ABCA8: variants seen among roughly 807,000 people sequenced by gnomAD.
The protein encoded by ABCA8 is ATP binding cassette subfamily A member 8.
In ABCA8, 177 loss-of-function variants were observed where a neutral mutation model predicts 192.3. The observed-to-expected ratio is 0.92, with a 90% CI of 0.81 to 1.04. ABCA8 has a LOEUF of 1.04. ABCA8 is among the 50% of genes least tolerant of loss of function. ABCA8 has a pLI of 0.00. For missense variants in ABCA8, 1,915 were observed against 1,904.8 expected, an observed-to-expected ratio of 1.01 and a Z score of -0.10; for synonymous variants, 642 against 690.2, an observed-to-expected ratio of 0.93 and a Z score of 1.09.
intron 17 of ABCA8, 94 bp downstream of exon 17, chr17:68,917,267 C>A (rs1408227880): frequency 3.9e-6 from 3 of 774,482 alleles, no homozygotes; most frequent in South Asian, 2.2e-5. Flanking sequence ...CAAAAAATAA[C>A]AATAATACAA....
intron 18 of ABCA8, among the ~76,000 whole-genome samples, chr17:68,907,141 T>C (rs1391619676): frequency 6.6e-6 from 1 of 152,152 alleles, no homozygotes; most frequent in African/African-American, 2.4e-5. Context: ...AAAGTACTAA[T>C]CAGAATTTGC....
chr17:68,891,991 G>C (rs1276480038), intron 23 of ABCA8, among the ~76,000 whole-genome samples: 1 of 152,152 alleles, frequency 6.6e-6, no homozygotes. Context: ...TATGGGTACA[G>C]TGATAATAAG....
At chr17:68,871,238 T>G (rs1369561969) in intron 37 of ABCA8, among the ~76,000 whole-genome samples, 1 of 152,126 alleles carries the variant, frequency 6.6e-6, no homozygotes, top group Non-Finnish European at 1.5e-5. Flanking sequence ...CTGGCTTTTA[T>G]AACAGACCCA....
chr17:68,874,155 A>T (rs2066141997), intron 37 of ABCA8, among the ~76,000 whole-genome samples: 2 of 152,330 alleles, frequency 1.3e-5, no homozygotes, highest in African/African-American at 4.8e-5. Flanking sequence ...AGATTTGCCA[A>T]AGTCATCTTC....
At position 68,894,282 on chromosome 17, in the gene ABCA8, G is replaced by C; in HGVS notation, c.2927C>G (p.Ala976Gly). ...KNYSFSLACN[A>G]KRLNCFPVLM... ...AACTGGGAAGCAATTCAATCTTTTG[G>C]CATTGCATGCTAACGAAAAGCTGTA... is the stretch of plus-strand genomic sequence containing the variant. The change falls in exon 23 of 40, where the codon GCC becomes GGC. Residue 976 changes from alanine (A) to glycine (G), a missense_variant. Transcript: ENST00000586539. 2.5e-6 allele frequency: 4 copies of C among 1,610,284 alleles called. No individual in the cohort carries two copies. Among genetic ancestry groups the C allele is most frequent in the Non-Finnish European group, 2.5e-6 (3 of 1,179,048 alleles).
intron 2 of ABCA8, among the ~76,000 whole-genome samples, chr17:68,946,985 A>C (rs1424147118): frequency 3.3e-5 from 5 of 152,098 alleles, no homozygotes; most frequent in Non-Finnish European, 7.4e-5. Flanking sequence ...GAGAGAAAGA[A>C]AGAAAATAAA....
At chr17:68,914,168 A>G (rs1354256669) in intron 17 of ABCA8, among the ~76,000 whole-genome samples, 1 of 152,184 alleles carries the variant, frequency 6.6e-6, no homozygotes, top group Non-Finnish European at 1.5e-5. Flanking sequence ...AATAAAAGCC[A>G]TATATGGCAA....
At chr17:68,930,920 T>A (rs901232961) in intron 7 of ABCA8, among the ~76,000 whole-genome samples, 1 of 152,208 alleles carries the variant, frequency 6.6e-6, no homozygotes, top group Non-Finnish European at 1.5e-5. Context: ...ATCACCTCCA[T>A]GCTCTTTCAG....
rs1292091336 is a variant in ABCA8 at position 68,940,967 on chromosome 17, A to G, written c.97-5T>C. Reference sequence around the variant, plus strand: ...GAGCAATGAATTCAGCCATTCCTATATAATACAGGAAAAAAGATAAAGAAA... The same window carrying G: ...GAGCAATGAATTCAGCCATTCCTATGTAATACAGGAAAAAAGATAAAGAAA... On this transcript the variant is annotated splice_region_variant and splice_polypyrimidine_tract_variant and intron_variant, in intron 3 of 39. Transcript: ENST00000586539. The G allele has an allele frequency of 6.3e-7, 1 of 1,577,692 alleles. No individual in the cohort carries two copies. Among genetic ancestry groups the G allele is most frequent in the Admixed American group, 1.7e-5 (1 of 58,922 alleles).
In ABCA8 at chr17:68,929,204, C is replaced by G; in HGVS notation, c.970G>C (p.Val324Leu). 1 of 1,599,874 alleles carries G rather than the reference C, an allele frequency of 6.3e-7. No individual in the cohort carries two copies. Among genetic ancestry groups the G allele is most frequent in the Non-Finnish European group, 8.5e-7 (1 of 1,173,816 alleles). The change falls in exon 9 of 40, where the codon GTA becomes CTA. Residue 324 changes from valine (V) to leucine (L), a missense_variant. Transcript: ENST00000586539. Reference sequence around the variant, plus strand: ...AGGCCGGTGAGGAAAGATTTCTTTACCAAGATGCTCATTAAGAAAGCCAAA... The same window carrying G: ...AGGCCGGTGAGGAAAGATTTCTTTAGCAAGATGCTCATTAAGAAAGCCAAA... Reference protein sequence around the residue: ...VALAFLMSILVKKSFLTGLVV... With the variant: ...VALAFLMSILLKKSFLTGLVV...
chr17:68,908,805 C>T (rs949923891), intron 17 of ABCA8, among the ~76,000 whole-genome samples: 4 of 152,056 alleles, frequency 2.6e-5, no homozygotes, highest in South Asian at 2.1e-4. Context: ...GCATCTGGAA[C>T]GTGTTATTTA....
In ABCA8 at chr17:68,921,464, T is replaced by G; in HGVS notation, c.1530A>C (p.Gln510His). 6.2e-7 allele frequency: 1 copy of G among 1,605,938 alleles called. No individual in the cohort carries two copies. Among genetic ancestry groups the G allele is most frequent in the Non-Finnish European group, 8.5e-7 (1 of 1,174,840 alleles). The change falls in exon 13 of 40, where the codon CAA becomes CAC. Residue 510 changes from glutamine (Q) to histidine (H), a missense_variant. By Grantham distance (24) the Gln-to-His change is conservative (BLOSUM62 0). Coordinates refer to ENST00000586539, the MANE Select transcript of ABCA8 (RefSeq NM_001288985.2). ...KDLVFDIYEGQITAILGHSGA... is the reference protein window; with the variant it reads ...KDLVFDIYEGHITAILGHSGA... The stretch of plus-strand genomic sequence containing the variant: ...CACTGTGACCAAGTATTGCAGTGAT[T>G]TGGCCTTCGTAAATGTCAAATACCA...
chr17:68,881,620 G>C (rs1283057345), intron 31 of ABCA8, among the ~76,000 whole-genome samples: 1 of 152,206 alleles, frequency 6.6e-6, no homozygotes, highest in East Asian at 1.9e-4. Flanking sequence ...TAATAGAAAT[G>C]TTATTACTTC....
intron 29 of ABCA8, among the ~76,000 whole-genome samples, chr17:68,883,196 T>C (rs143350646): frequency 3.7e-4 from 57 of 152,354 alleles, no homozygotes; most frequent in African/African-American, 1.3e-3. Flanking sequence ...TCCTTCATAC[T>C]GATCTCAGAA....
intron 23 of ABCA8, chr17:68,893,912 G>C: frequency 1.6e-5 from 2 of 127,768 alleles, no homozygotes; most frequent in South Asian, 3.1e-4. Context: ...ACAGTCCCCA[G>C]AGTGTGATAT....
intron 24 of ABCA8, among the ~76,000 whole-genome samples, chr17:68,887,920 A>ATCT (rs1223146348): frequency 3.3e-5 from 1 of 30,640 alleles, no homozygotes; most frequent in Non-Finnish European, 5.6e-5. Flanking sequence ...ATATATATAT[A>ATCT]TATATTATAT....
intron 13 of ABCA8, among the ~76,000 whole-genome samples, chr17:68,920,332 A>G (rs2067499698): frequency 6.6e-6 from 1 of 152,086 alleles, no homozygotes; most frequent in Admixed American, 6.6e-5. Flanking sequence ...ATGTAATAAT[A>G]TAGGCAACAA....
chr17:68,907,624 G>T, intron 18 of ABCA8, 116 bp downstream of exon 18: 1 of 902,832 alleles, frequency 1.1e-6, no homozygotes, highest in Non-Finnish European at 1.5e-6. Flanking sequence ...TTTTGATTAT[G>T]TTTCAGTACC....
intron 11 of ABCA8, 99 bp downstream of exon 11, chr17:68,924,602 G>T: frequency 7.5e-7 from 1 of 1,333,528 alleles, no homozygotes; most frequent in Non-Finnish European, 1.0e-6. Flanking sequence ...GGACAGGTGG[G>T]AACTGTCTAC....
Sources: allele counts gnomAD v4.1 joint callset (sites outside exome capture counted in the v4.1 genomes callset), GRCh38; gene constraint gnomAD v4.1.1; transcripts MANE v1.5; gene names NCBI Gene and HGNC (gene_info 2026-07-23, HGNC 2026-07-21).